The following DRC11L variants were observed in gnomAD, a reference collection of about 807,000 sequenced individuals.
The protein encoded by DRC11L is dynein regulatory complex subunit like-11.
chr7:151,194,284 A>G, the DRC11L span: 61 of 399,078 alleles, frequency 1.5e-4, no homozygotes, highest in Non-Finnish European at 2.5e-4. Context: ...ACAAAGCCAC[A>G]TTCTGTCGTA....
At chr7:151,191,884 C>A in the DRC11L span, 3 of 399,230 alleles carry the variant, frequency 7.5e-6, no homozygotes, top group Non-Finnish European at 1.3e-5. Context: ...GCACTGCAGG[C>A]ATGTGGAAGA....
the DRC11L span, chr7:151,195,673 C>T: frequency 1.0e-5 from 4 of 399,556 alleles, no homozygotes; most frequent in African/African-American, 4.1e-5. Flanking sequence ...GGGAGACAGC[C>T]GAGGTGTGGC....
At chr7:151,195,719 G>T in the DRC11L span, 1 of 399,450 alleles carries the variant, frequency 2.5e-6, no homozygotes, top group South Asian at 1.3e-4. Context: ...GGTGGGAGAG[G>T]AGCAGGCAGG....
At chr7:151,195,920 G>A in the DRC11L span, 381 of 324,584 alleles carry the variant, frequency 1.2e-3, 1 homozygote, top group Non-Finnish European at 1.8e-3. Flanking sequence ...TTCAACATGC[G>A]GAGAAGCCCC....
chr7:151,204,755 C>G, the DRC11L span: 1 of 398,994 alleles, frequency 2.5e-6, no homozygotes, highest in Non-Finnish European at 4.4e-6. Flanking sequence ...CCCGGTCGGG[C>G]GCAGGTTCGA....
chr7:151,201,164 G>A, the DRC11L span, among the ~76,000 whole-genome samples: 1 of 152,250 alleles, frequency 6.6e-6, no homozygotes, highest in Admixed American at 6.5e-5. This position sits in a 1 kb window ranked among gnomAD's most constrained non-coding sequence, Gnocchi z 4.1. Flanking sequence ...GGGCCAGCCA[G>A]TGCTTTCCAT....
the DRC11L span, chr7:151,192,340 C>G: frequency 7.5e-6 from 3 of 399,110 alleles, no homozygotes; most frequent in Non-Finnish European, 1.3e-5. Flanking sequence ...GGCACAGACC[C>G]CGCATCTCGG....
chr7:151,197,207 CCTT>C, the DRC11L span: 1 of 399,590 alleles, frequency 2.5e-6, no homozygotes, highest in African/African-American at 2.1e-5. Flanking sequence ...TATCTTACCC[CCTT>C]CTTGGCCTTT....
At chr7:151,191,339 G>A in the DRC11L span, among the ~76,000 whole-genome samples, 2,882 of 152,142 alleles carry the variant, frequency 0.019, 91 homozygotes, top group African/African-American at 0.064. Context: ...TCCTTGGCAG[G>A]GGCACTGACT....
the DRC11L span, chr7:151,193,389 C>T: frequency 1.5e-5 from 6 of 399,398 alleles, no homozygotes; most frequent in Non-Finnish European, 2.7e-5. Context: ...GCGCCAGTTT[C>T]TGTGCACACT....
chr7:151,192,698 C>T, the DRC11L span: 1 of 399,212 alleles, frequency 2.5e-6, no homozygotes, highest in Admixed American at 4.4e-5. Context: ...TTAGCCCCAG[C>T]TCACGCTACC....
At chr7:151,197,458 C>T in the DRC11L span, 1 of 397,790 alleles carries the variant, frequency 2.5e-6, no homozygotes. Context: ...CCAACGATTC[C>T]CTAGGCCTAG....
the DRC11L span, chr7:151,197,766 T>C: frequency 2.5e-6 from 1 of 397,092 alleles, no homozygotes; most frequent in Non-Finnish European, 4.4e-6. Flanking sequence ...CTATTCTCTG[T>C]AGCCTCAGGC....
the DRC11L span, among the ~76,000 whole-genome samples, chr7:151,202,162 A>C: frequency 6.6e-6 from 1 of 152,210 alleles, no homozygotes; most frequent in Non-Finnish European, 1.5e-5. Context: ...GGTGACCCAG[A>C]AGGCACAGAG....
At chr7:151,191,068 G>T in the DRC11L span, 3 of 399,286 alleles carry the variant, frequency 7.5e-6, no homozygotes, top group Non-Finnish European at 1.3e-5. Flanking sequence ...CTTGCCCAGT[G>T]GGGTCTTGAA....
the DRC11L span, chr7:151,194,467 TTGGCACC>T: frequency 5.0e-6 from 2 of 398,976 alleles, no homozygotes; most frequent in Non-Finnish European, 8.8e-6. Context: ...TAGGGGAGCC[TTGGCACC>T]TGGCCACAGA....
At chr7:151,201,289 A>G in the DRC11L span, among the ~76,000 whole-genome samples, 2 of 152,070 alleles carry the variant, frequency 1.3e-5, no homozygotes, top group African/African-American at 2.4e-5. This position sits in a 1 kb window ranked among gnomAD's most constrained non-coding sequence, Gnocchi z 4.1. Flanking sequence ...GGTCCTTCAT[A>G]TATTCTTTCC....
the DRC11L span, chr7:151,197,871 G>A: frequency 5.0e-6 from 2 of 399,332 alleles, no homozygotes; most frequent in Non-Finnish European, 4.4e-6. Flanking sequence ...ACCTGAAGAC[G>A]CATCTGGATA....
At chr7:151,203,477 A>G in the DRC11L span, 1 of 399,094 alleles carries the variant, frequency 2.5e-6, no homozygotes, top group Non-Finnish European at 4.4e-6. Context: ...GGACTGCTCC[A>G]GCAGGAAGTA....
Sources: allele counts gnomAD v4.1 joint callset (sites outside exome capture counted in the v4.1 genomes callset), GRCh38; gene constraint gnomAD v4.1.1; non-coding constraint Gnocchi (gnomAD v3.1); transcripts MANE v1.5; gene names NCBI Gene and HGNC (gene_info 2026-07-23, HGNC 2026-07-21).